Variants in MAP3K7 observed in about 807,000 individuals in gnomAD.
MAP3K7 encodes the protein mitogen-activated protein kinase kinase kinase 7.
In MAP3K7, 21 loss-of-function variants were observed where a neutral mutation model predicts 84.8. The observed-to-expected ratio is 0.25, with a 90% CI of 0.18 to 0.36. The LOEUF is 0.36. Ranked by LOEUF, MAP3K7 falls within the 10% of genes least tolerant of loss-of-function variation. The pLI is 1.00. For synonymous variants in MAP3K7, 241 were observed against 247.7 expected (o/e 0.97, Z 0.25); for missense variants, 503 against 747.7 (o/e 0.67, Z 3.82).
intron 1 of MAP3K7, among the ~76,000 whole-genome samples, chr6:90,578,793 G>C (rs764699367): frequency 6.6e-6 from 1 of 152,066 alleles, no homozygotes; most frequent in Non-Finnish European, 1.5e-5. Context: ...AAGCTTCCCA[G>C]GGCATTCCAA....
At chr6:90,531,915 T>C (rs1416159979) in intron 13 of MAP3K7, among the ~76,000 whole-genome samples, 3 of 145,880 alleles carry the variant, frequency 2.1e-5, no homozygotes, top group Non-Finnish European at 1.5e-5. Flanking sequence ...GAGATCACAC[T>C]ACTGCACTCC....
intron 14 of MAP3K7, among the ~76,000 whole-genome samples, chr6:90,522,213 A>G (rs1035306392): frequency 6.6e-6 from 1 of 152,154 alleles, no homozygotes. Context: ...TAGGTACAGA[A>G]AAAGAAAACA....
intron 1 of MAP3K7, among the ~76,000 whole-genome samples, chr6:90,582,880 CTTTTT>C (rs535938524): frequency 7.7e-6 from 1 of 129,158 alleles, no homozygotes. Context: ...CTTCTATCAT[CTTTTT>C]TTTTTTTTTT....
At position 90,516,690 on chromosome 6, in the gene MAP3K7, A is replaced by C; in HGVS notation, c.1641-9T>G. On this transcript the variant is annotated splice_polypyrimidine_tract_variant and intron_variant, in intron 16 of 16. Coordinates refer to ENST00000369329, the MANE Select transcript of MAP3K7 (RefSeq NM_145331.3). ...CTGCAACTAGTTCTTGCCTACAAAC[A>C]AATACCACATAATATTACACATGAT... 6.3e-7 allele frequency: 1 copy of C among 1,591,854 alleles called. No homozygotes were observed. Among genetic ancestry groups the C allele is most frequent in the Non-Finnish European group, 8.5e-7 (1 of 1,172,622 alleles).
rs1582150746 is a variant in MAP3K7 at position 90,515,706 on chromosome 6, G to A, written c.*795C>T. On this transcript the variant is annotated 3_prime_UTR_variant, in exon 17 of 17. Coordinates refer to ENST00000369329, the MANE Select transcript of MAP3K7 (RefSeq NM_145331.3). ...CATTTAAGCTCAATCATGTTCTTTT[G>A]CCTTTTAATTTCATTTAAGAGATTA... is the stretch of plus-strand genomic sequence containing the variant. The A allele has an allele frequency of 6.8e-6, 1 of 146,726 alleles. No homozygotes were observed. Among genetic ancestry groups the A allele is most frequent in the African/African-American group, 2.5e-5 (1 of 39,596 alleles). The allele number at this position is 146,726 out of a possible 1,614,324, so 9.1% of individuals were successfully genotyped here. A position where few individuals can be genotyped will look rare whatever the true frequency, so the allele number is the denominator to read the frequency against.
At chr6:90,553,785 TA>T (rs1776253117) in intron 6 of MAP3K7, among the ~76,000 whole-genome samples, 199 bp from the exon 7 acceptor site, 3 of 152,170 alleles carry the variant, frequency 2.0e-5, no homozygotes, top group Admixed American at 6.5e-5. Context: ...AACAATACAC[TA>T]AAAAACTACT....
intron 1 of MAP3K7, among the ~76,000 whole-genome samples, chr6:90,583,156 T>G (rs1262932580): frequency 6.6e-6 from 1 of 152,178 alleles, no homozygotes; most frequent in Non-Finnish European, 1.5e-5. Flanking sequence ...GTGCTCGGAT[T>G]ACAGGTGTGA....
chr6:90,558,929 C>T (rs1471794217), intron 5 of MAP3K7, among the ~76,000 whole-genome samples: 1 of 152,152 alleles, frequency 6.6e-6, no homozygotes, highest in Admixed American at 6.5e-5. Context: ...TTGCCTATAT[C>T]CTTTGGATCA....
At chr6:90,550,041 A>G (rs1776131368) in intron 9 of MAP3K7, among the ~76,000 whole-genome samples, 2 of 152,164 alleles carry the variant, frequency 1.3e-5, no homozygotes, top group Admixed American at 1.3e-4. Flanking sequence ...ATTTCGGAAA[A>G]CTAAGGAACT....
At chr6:90,574,795 G>A (rs1184275507) in intron 1 of MAP3K7, among the ~76,000 whole-genome samples, 1 of 152,124 alleles carries the variant, frequency 6.6e-6, no homozygotes, top group East Asian at 1.9e-4. Flanking sequence ...TAAAGCCATG[G>A]GAACAAAATG....
At chr6:90,536,547 AG>A in intron 12 of MAP3K7, 146 bp from the exon 13 acceptor site, 5 of 602,274 alleles carry the variant, frequency 8.3e-6, no homozygotes, top group Non-Finnish European at 1.2e-5. Context: ...TTTATTGCTA[AG>A]AAAAAAAAAA....
At chr6:90,549,894 CAT>C (rs1491388867) in intron 9 of MAP3K7, among the ~76,000 whole-genome samples, 1 of 152,150 alleles carries the variant, frequency 6.6e-6, no homozygotes, top group African/African-American at 2.4e-5. Flanking sequence ...TAGACACACA[CAT>C]ATCTTTAAGT....
intron 13 of MAP3K7, among the ~76,000 whole-genome samples, chr6:90,530,000 G>A (rs998954032): frequency 6.6e-6 from 1 of 152,176 alleles, no homozygotes; most frequent in African/African-American, 2.4e-5. Flanking sequence ...AAGAAAACCA[G>A]TGATGAAATG....
intron 13 of MAP3K7, among the ~76,000 whole-genome samples, chr6:90,535,466 C>T (rs1775639970): frequency 6.6e-6 from 1 of 151,848 alleles, no homozygotes; most frequent in African/African-American, 2.4e-5. Context: ...TAATATGTAA[C>T]AATTTCATTA....
rs147070999 is a variant in MAP3K7 at position 90,544,561 on chromosome 6, C to T, written c.1282G>A (p.Val428Ile). The change falls in exon 12 of 17, where the codon GTC (valine) becomes ATC (isoleucine). Residue 428 changes from valine (V) to isoleucine (I), a missense_variant. This residue lies in a region of MAP3K7 where 286 missense variants were observed against 313.6 expected (regional missense o/e 0.91). Transcript: ENST00000369329. ...FGNILDVPEI[V>I]ISGNGQPRRR... is the part of the protein sequence containing the mutation. ...AGGTGGTCTATGATACCTGATATGA[C>T]GATCTCAGGGACATCCAGAATGTTG... 8.7e-4 allele frequency: 1,405 copies of T among 1,612,014 alleles called. No homozygotes were observed. The highest frequency in any genetic ancestry group is 1.1e-3 in the Non-Finnish European group (1,295 of 1,178,548).
chr6:90,569,899 AT>A (rs1287973506), intron 2 of MAP3K7, among the ~76,000 whole-genome samples: 2 of 152,048 alleles, frequency 1.3e-5, no homozygotes, highest in African/African-American at 4.8e-5. Context: ...TACATACATT[AT>A]GCTGCTGGCT....
chr6:90,576,733 C>T (rs569011272), intron 1 of MAP3K7, among the ~76,000 whole-genome samples: 1 of 152,288 alleles, frequency 6.6e-6, no homozygotes, highest in African/African-American at 2.4e-5. Context: ...CACTCTGCCT[C>T]ACTCCAATTT....
rs187887851 is a variant in MAP3K7, at chr6:90,530,949, C to A, written c.1356+5388G>T. Among the ~76,000 whole-genome samples the A allele has an allele frequency of 1.6e-3, 247 of 152,262 alleles. 4 individuals are homozygous for A. The highest frequency in any genetic ancestry group is 8.7e-4 in the Non-Finnish European group (59 of 68,012). On this transcript the variant is annotated intron_variant, in intron 13 of 16. Coordinates refer to ENST00000369329, the MANE Select transcript of MAP3K7 (RefSeq NM_145331.3). ...CTATTAAAACTCATTTAAGTTGCTC[C>A]TTCCTCTAAGACATTTAAAATTACT... is the stretch of plus-strand genomic sequence containing the variant.
chr6:90,529,318 C>T (rs1454282842), intron 13 of MAP3K7, among the ~76,000 whole-genome samples: 4 of 152,040 alleles, frequency 2.6e-5, no homozygotes, highest in Admixed American at 2.6e-4. Flanking sequence ...AAAACTGAAC[C>T]AGATAAAACT....
Sources: gnomAD v4.1 joint callset for allele counts (sites outside exome capture counted in the v4.1 genomes callset) on GRCh38, gnomAD v4.1.1 for gene constraint, gnomAD v4.1.1 regional missense constraint, MANE v1.5 for transcripts, NCBI Gene and HGNC (gene_info 2026-07-23, HGNC 2026-07-21) for gene names.